The following PADI6 variants were observed in gnomAD, a reference collection of about 807,000 sequenced individuals.
PADI6 encodes inactive protein-arginine deiminase type-6.
A neutral mutation model predicts 78.2 loss-of-function variants in PADI6; 66 were observed. The ratio of observed to expected loss-of-function variants is 0.84; its 90% confidence interval spans 0.69 to 1.04. The LOEUF (loss-of-function observed/expected upper bound fraction) is 1.04, where lower values mean the gene tolerates loss of function less well. PADI6 is among the 50% of genes least tolerant of loss of function. PADI6 has a pLI of 0.00. For synonymous variants in PADI6, 397 were observed against 346.9 expected (o/e 1.14, Z -1.60); for missense variants, 854 against 866.1 (o/e 0.99, Z 0.18).
chr1:17,381,837 G>A, intron 5 of PADI6, 130 bp from the exon 6 acceptor site: 1 of 1,059,448 alleles, frequency 9.4e-7, no homozygotes, highest in Non-Finnish European at 1.4e-6. Context: ...TTCGGGCCTG[G>A]GCCCTAGCAA....
rs1375880755 is a variant in PADI6, at chr1:17,394,960, C to T, written c.1347C>T (p.Gly449=). The T allele has an allele frequency of 1.2e-6, 2 of 1,611,302 alleles. No homozygotes were observed. The highest frequency in any genetic ancestry group is 1.7e-5 in the Admixed American group (1 of 59,808). Residue 449 remains glycine, a synonymous_variant, in exon 12 of 16, where the codon GGC becomes GGT. Coordinates refer to ENST00000619609, the MANE Select transcript of PADI6 (RefSeq NM_207421.4). ...IGSSFYPSAE[G]RAMSKTLRDF... ...TCCATCTTCCTTCTAGCGCAGAGGG[C>T]CGGGCCATGAGTAAGACCCTCCGAG...
chr1:17,394,741 T>C (rs925505080), intron 11 of PADI6, among the ~76,000 whole-genome samples: 2 of 152,214 alleles, frequency 1.3e-5, no homozygotes, highest in Admixed American at 1.3e-4. Context: ...AAAATGATAC[T>C]TGTGCCCGGG....
chr1:17,377,634 G>A (rs1047607460), intron 3 of PADI6, among the ~76,000 whole-genome samples: 9 of 152,188 alleles, frequency 5.9e-5, no homozygotes, highest in African/African-American at 1.9e-4. Context: ...TCCTTCTAGT[G>A]TAAACCTTGG....
At chr1:17,378,139 A>C (rs1236125540) in intron 3 of PADI6, among the ~76,000 whole-genome samples, 1 of 152,038 alleles carries the variant, frequency 6.6e-6, no homozygotes, top group South Asian at 2.1e-4. Flanking sequence ...TCTCTTTTCA[A>C]ATGTAAACTT....
chr1:17,373,086 C>T lies in PADI6; in HGVS notation c.147C>T (p.Thr49=). 2 of 1,613,970 alleles carry T rather than the reference C, an allele frequency of 1.2e-6. No individual in the cohort carries two copies. Among genetic ancestry groups the T allele is most frequent in the Non-Finnish European group, 1.7e-6 (2 of 1,179,836 alleles). ...GCAPQKCQCF[T]IHGSGRVLID... The stretch of plus-strand genomic sequence containing the variant: ...CCCCCCAGAAGTGCCAGTGCTTCAC[C>T]ATCCATGGCTCTGGGAGGGTCTTGA... Residue 49 remains threonine (T), a synonymous_variant, in exon 2 of 16, where the codon ACC becomes ACT. Coordinates refer to ENST00000619609, the MANE Select transcript of PADI6 (RefSeq NM_207421.4).
At chr1:17,385,623 A>G (rs2075112217) in intron 6 of PADI6, among the ~76,000 whole-genome samples, 1 of 152,196 alleles carries the variant, frequency 6.6e-6, no homozygotes, top group Non-Finnish European at 1.5e-5. Flanking sequence ...AAGGTCGTCG[A>G]AGAGAGATCA....
chr1:17,394,500 G>T, intron 11 of PADI6, 46 bp downstream of exon 11: 1 of 1,587,066 alleles, frequency 6.3e-7, no homozygotes, highest in South Asian at 1.1e-5. Flanking sequence ...AAGGGACCAT[G>T]GTCGTTCCCC....
intron 2 of PADI6, 67 bp downstream of exon 2, chr1:17,373,300 C>CCTCCTGGCTGCAGACGTGA: frequency 6.4e-7 from 1 of 1,559,868 alleles, no homozygotes; most frequent in East Asian, 2.3e-5. Context: ...ACTGGGGCTT[C>CCTCCTGGCTGCAGACGTGA]CTCCTGGCTG....
rs755045559 is a variant in PADI6, at chr1:17,394,985, G to C, written c.1372G>C (p.Asp458His). Residue 458 changes from aspartate (D) to histidine (H), a missense_variant, in exon 12 of 16, where the codon GAC becomes CAC. Asp to His is a moderately conservative substitution (Grantham distance 81). Transcript: ENST00000619609. ...CCGGGCCATGAGTAAGACCCTCCGA[G>C]ACTTCCTCTATGCCCAGCAGGTCCA... is the stretch of plus-strand genomic sequence containing the variant. ...EGRAMSKTLR[D>H]FLYAQQVQAP... is the part of the protein sequence containing the mutation. 6.2e-7 allele frequency: 1 copy of C among 1,613,378 alleles called. No homozygotes were observed. The highest frequency in any genetic ancestry group is 8.5e-7 in the Non-Finnish European group (1 of 1,179,866).
intron 3 of PADI6, among the ~76,000 whole-genome samples, chr1:17,376,084 C>T (rs2075013296): frequency 6.6e-6 from 1 of 152,020 alleles, no homozygotes; most frequent in Non-Finnish European, 1.5e-5. Context: ...AAGTGATTCT[C>T]CTACCTCAGC....
Position 17,401,553 on chromosome 1 carries a change from T to C in PADI6, c.*115T>C. ...CTGGAGAGTCCAGGCAACAGAACCC[T>C]TTCTTCCCTGTCTGCCCCGACCGAC... On this transcript the variant is annotated 3_prime_UTR_variant, in exon 16 of 16. Transcript: ENST00000619609. The C allele has an allele frequency of 1.0e-6, 1 of 992,076 alleles. No individual in the cohort carries two copies. 61.5% of individuals were successfully genotyped at this position (992,076 alleles called of 1,614,324 possible).
In PADI6 at chr1:17,394,291, C is replaced by CT. The variant is rs750522486; in HGVS notation, c.1183-8dup. On this transcript the variant is annotated splice_polypyrimidine_tract_variant and intron_variant, in intron 10 of 15. Transcript: ENST00000619609. ...TAACACCCCTTCCCTGGCTCGGTCT[C>CT]TCCCCCAGAGCCCTGGTATTGGCTA... 83 of 1,611,128 alleles carry CT rather than the reference C, an allele frequency of 5.2e-5. No homozygotes were observed. In the African/African-American group the frequency reaches 1.0e-3, roughly 19 times the overall value.
chr1:17,382,424 C>T (rs901391159), intron 6 of PADI6, among the ~76,000 whole-genome samples: 2 of 152,190 alleles, frequency 1.3e-5, no homozygotes, highest in African/African-American at 2.4e-5. Context: ...GAGTAGATCA[C>T]ATCTCCCAGT....
chr1:17,394,822 C>T (rs757316300), intron 11 of PADI6, 129 bp from the exon 12 acceptor site: 70 of 1,123,332 alleles, frequency 6.2e-5, no homozygotes, highest in Non-Finnish European at 7.6e-5. Context: ...CCAACACATC[C>T]GCTATGGACC....
intron 6 of PADI6, among the ~76,000 whole-genome samples, chr1:17,384,091 C>T (rs1048407774): frequency 4.0e-5 from 6 of 151,764 alleles, no homozygotes; most frequent in East Asian, 1.9e-4. Flanking sequence ...TGCAGTGAGC[C>T]GACGTTGCAC....
At chr1:17,379,673 C>A (rs1159163417) in intron 3 of PADI6, among the ~76,000 whole-genome samples, 1 of 152,134 alleles carries the variant, frequency 6.6e-6, no homozygotes, top group Non-Finnish European at 1.5e-5. Flanking sequence ...ATGAGAGGAC[C>A]ATGATGGGCT....
intron 2 of PADI6, among the ~76,000 whole-genome samples, chr1:17,374,015 G>A (rs1340856769): frequency 1.3e-5 from 2 of 152,046 alleles, no homozygotes; most frequent in African/African-American, 4.8e-5. Context: ...GGTTGCAGGT[G>A]AGAACCACTG....
intron 8 of PADI6, among the ~76,000 whole-genome samples, chr1:17,389,937 T>C (rs563465766): frequency 9.2e-5 from 14 of 152,332 alleles, no homozygotes; most frequent in African/African-American, 3.4e-4. Context: ...TGAAGGCTTT[T>C]TTGTTTTTTT....
intron 2 of PADI6, among the ~76,000 whole-genome samples, chr1:17,374,028 G>C (rs1041931399): frequency 5.3e-5 from 8 of 152,008 alleles, no homozygotes; most frequent in Non-Finnish European, 1.0e-4. Flanking sequence ...AACCACTGGG[G>C]AGCTAATAAC....
Sources: allele counts gnomAD v4.1 joint callset (sites outside exome capture counted in the v4.1 genomes callset), GRCh38; gene constraint gnomAD v4.1.1; transcripts MANE v1.5; gene names NCBI Gene and HGNC (gene_info 2026-07-23, HGNC 2026-07-21).